ERAP1: variants seen among roughly 807,000 people sequenced by gnomAD.
ERAP1 encodes endoplasmic reticulum aminopeptidase 1.
ERAP1 carries 86 observed loss-of-function variants against 103.7 expected under a neutral mutation model. The ratio of observed to expected loss-of-function variants is 0.83; its 90% CI spans 0.70 to 0.99. The LOEUF (loss-of-function observed/expected upper bound fraction) is 0.99, where lower values mean the gene tolerates loss of function less well. ERAP1 is among the 50% of genes least tolerant of loss of function. ERAP1 has a pLI of 0.00. For missense variants in ERAP1, 1,009 were observed against 1,128.4 expected (o/e 0.89, Z 1.52); for synonymous variants, 398 against 402.4 (o/e 0.99, Z 0.13).
chr5:96,844,505 A>G, the ERAP1 span, among the ~76,000 whole-genome samples: 10 of 152,218 alleles, frequency 6.6e-5, no homozygotes, highest in African/African-American at 2.4e-4. Context: ...AATTAAAAGA[A>G]CCTAAAATAA....
At chr5:96,823,911 A>G in the ERAP1 span, among the ~76,000 whole-genome samples, 1 of 152,250 alleles carries the variant, frequency 6.6e-6, no homozygotes, top group African/African-American at 2.4e-5. Flanking sequence ...TAAGTAAAAT[A>G]AGGGTTGCTC....
the ERAP1 span, among the ~76,000 whole-genome samples, chr5:96,926,339 TTAA>T: frequency 6.6e-6 from 1 of 152,210 alleles, no homozygotes; most frequent in Admixed American, 6.5e-5. Context: ...ATTCATCCAT[TTAA>T]AGTTTATAAT....
At chr5:96,795,191 A>G (rs1228324590) in intron 4 of ERAP1, 29 bp from the exon 5 acceptor site, 4 of 1,611,356 alleles carry the variant, frequency 2.5e-6, no homozygotes, top group Non-Finnish European at 3.4e-6. Context: ...AAAGGAATTC[A>G]AATATCTTAA....
chr5:96,802,868 G>A (rs944838813), intron 2 of ERAP1, among the ~76,000 whole-genome samples: 1 of 151,940 alleles, frequency 6.6e-6, no homozygotes, highest in Non-Finnish European at 1.5e-5. Flanking sequence ...ATGGCCATGC[G>A]ACTAACAGAG....
chr5:96,781,837 G>T lies in ERAP1; in HGVS notation c.2303C>A (p.Thr768Asn), dbSNP rs759969521. 6.2e-7 allele frequency: 1 copy of T among 1,613,868 alleles called. No individual in the cohort carries two copies. Among genetic ancestry groups the T allele is most frequent in the Non-Finnish European group, 8.5e-7 (1 of 1,179,980 alleles). Reference protein sequence around the residue: ...NGNLSLPVDVTLAVFAVGAQS... With the variant: ...NGNLSLPVDVNLAVFAVGAQS... ...GGCCCCCACAGCAAACACTGCCAAG[G>T]TCACGTCGACAGGCAGGCTATAGAA... The change falls in exon 16 of 19, where the codon ACC becomes AAC. Residue 768 changes from threonine (T) to asparagine (N), a missense_variant. Physicochemically the swap from Thr to Asn is moderately conservative, Grantham distance 65. Coordinates refer to ENST00000443439, the MANE Select transcript of ERAP1 (RefSeq NM_001040458.3).
chr5:96,888,059 A>C, the ERAP1 span, among the ~76,000 whole-genome samples: 1 of 151,714 alleles, frequency 6.6e-6, no homozygotes, highest in South Asian at 2.1e-4. Context: ...CGGGAGGCGG[A>C]TGTTGCAGTG....
chr5:96,787,808 A>G (rs1395593785), intron 11 of ERAP1, among the ~76,000 whole-genome samples: 1 of 82,638 alleles, frequency 1.2e-5, no homozygotes, highest in Admixed American at 1.4e-4. Flanking sequence ...GTGTGTGTAT[A>G]TATATACACA....
At chr5:96,873,538 G>C in the ERAP1 span, 1 of 454,326 alleles carries the variant, frequency 2.2e-6, no homozygotes, top group East Asian at 7.0e-5. Context: ...GTTTACACAG[G>C]GGACACTCTG....
the ERAP1 span, among the ~76,000 whole-genome samples, chr5:96,914,557 C>A: frequency 2.6e-5 from 4 of 152,192 alleles, no homozygotes; most frequent in African/African-American, 9.7e-5. Flanking sequence ...CAGCCTTAAT[C>A]TACAATGCTG....
At chr5:96,801,538 T>C (rs1777994454) in intron 2 of ERAP1, among the ~76,000 whole-genome samples, 1 of 151,592 alleles carries the variant, frequency 6.6e-6, no homozygotes, top group African/African-American at 2.4e-5. Flanking sequence ...GAAAACTTAA[T>C]AGCCTTAACA....
rs774110557 is a variant in ERAP1, at chr5:96,790,575, C to A, written c.1389G>T (p.Gln463His). ...SADAFKSGIV[Q>H]YLQKHSYKNT... ...TTTTATAGCTATGCTTCTGGAGATA[C>A]TGTACAATACCACTTTTAAATGCGT... Residue 463 changes from glutamine to histidine, a missense_variant, in exon 9 of 19, where the codon CAG becomes CAT. Around this residue, in one of 3 missense-constraint regions of ERAP1, gnomAD observed 611 missense variants for 651.7 expected, o/e 0.94. Transcript: ENST00000443439. 2.5e-6 allele frequency: 4 copies of A among 1,613,034 alleles called. No homozygotes were observed. Among genetic ancestry groups the A allele is most frequent in the Non-Finnish European group, 3.4e-6 (4 of 1,178,998 alleles).
At chr5:96,813,484 C>G in the ERAP1 span, among the ~76,000 whole-genome samples, 1 of 151,752 alleles carries the variant, frequency 6.6e-6, no homozygotes, top group Non-Finnish European at 1.5e-5. Context: ...GAAACCCTAG[C>G]TCTACTAAAA....
the ERAP1 span, among the ~76,000 whole-genome samples, chr5:96,840,816 C>T: frequency 6.6e-6 from 1 of 151,984 alleles, no homozygotes; most frequent in Non-Finnish European, 1.5e-5. Context: ...AGCGATTCTC[C>T]TGCCTCAGCC....
the ERAP1 span, among the ~76,000 whole-genome samples, chr5:96,821,037 G>A: frequency 6.6e-6 from 1 of 152,218 alleles, no homozygotes; most frequent in South Asian, 2.1e-4. Context: ...TGTGGGGACT[G>A]ACAAGTCCAA....
chr5:96,800,902 C>T lies in ERAP1; in HGVS notation c.623G>A (p.Arg208Lys), dbSNP rs1221831767. ...GATGGCTAGGTGCCTTGGCTCTCTT[C>T]TAATTTTGATTGAGAAACTTGCTTT... Reference protein sequence around the residue: ...AFKASFSIKIRREPRHLAISN... With the variant: ...AFKASFSIKIKREPRHLAISN... Residue 208 changes from arginine (R) to lysine (K), a missense_variant, in exon 3 of 19, where the codon AGA (arginine) becomes AAA (lysine). Arg to Lys is a conservative substitution (Grantham distance 26, BLOSUM62 2). Coordinates refer to ENST00000443439, the MANE Select transcript of ERAP1 (RefSeq NM_001040458.3). The T allele has an allele frequency of 2.5e-6, 4 of 1,614,126 alleles. No individual in the cohort carries two copies. In the Admixed American group the frequency reaches 6.7e-5, roughly 27 times the overall value.
chr5:96,856,318 C>CA, the ERAP1 span, among the ~76,000 whole-genome samples: 5 of 12,166 alleles, frequency 4.1e-4, 2 homozygotes, highest in Non-Finnish European at 3.3e-4. Flanking sequence ...GACTCCGTCT[C>CA]AAAAAAAAAA....
At chr5:96,858,403 CAG>C in the ERAP1 span, among the ~76,000 whole-genome samples, 1 of 152,042 alleles carries the variant, frequency 6.6e-6, no homozygotes, top group African/African-American at 2.4e-5. Flanking sequence ...TTAGTAGAGA[CAG>C]AGTTTCACCA....
At chr5:96,829,988 A>G in the ERAP1 span, among the ~76,000 whole-genome samples, 1 of 152,216 alleles carries the variant, frequency 6.6e-6, no homozygotes, top group Admixed American at 6.5e-5. Flanking sequence ...GAAAGATTTT[A>G]AAAGAAACCT....
At position 96,790,641 on chromosome 5, in the gene ERAP1, T is replaced by A. The variant is rs1432156634; in HGVS notation, c.1323A>T (p.Gly441=). 1 of 1,608,424 alleles carries A rather than the reference T, an allele frequency of 6.2e-7. No individual in the cohort carries two copies. The highest frequency in any genetic ancestry group is 1.7e-5 in the Admixed American group (1 of 59,992). Residue 441 remains glycine (G), a splice_region_variant and synonymous_variant, in exon 9 of 19, where the codon GGA becomes GGT. Transcript: ENST00000443439. ...CCCTTAGCATATTCAGAATACAAGCTCCCTGAAAAGATAATAGAAATAATT... is the reference window on the plus strand; with the variant it reads ...CCCTTAGCATATTCAGAATACAAGCACCCTGAAAAGATAATAGAAATAATT... The part of the protein sequence containing the change: ...EMFDDVSYDK[G]ACILNMLREY...
Sources: gnomAD v4.1 joint callset for allele counts (sites outside exome capture counted in the v4.1 genomes callset) on GRCh38, gnomAD v4.1.1 for gene constraint, gnomAD v4.1.1 regional missense constraint, MANE v1.5 for transcripts, NCBI Gene and HGNC (gene_info 2026-07-23, HGNC 2026-07-21) for gene names.